VAT1L: variants seen among roughly 807,000 people sequenced by gnomAD.
The protein encoded by VAT1L is putative NADPH-dependent quinone oxidoreductase VAT1L.
A neutral mutation model predicts 44.1 loss-of-function variants in VAT1L; 34 were observed. That is an observed-to-expected ratio of 0.77 (90% CI 0.59 to 1.03). VAT1L has a LOEUF of 1.03. Ranked by LOEUF, VAT1L falls within the 50% of genes least tolerant of loss-of-function variation. VAT1L has a pLI of 0.00. For missense variants in VAT1L, 615 were observed against 538.8 expected, an observed-to-expected ratio of 1.14 and a Z score of -1.40; for synonymous variants, 253 against 202.2, an observed-to-expected ratio of 1.25 and a Z score of -2.13.
At chr16:77,935,993 T>C (rs1171095119) in intron 7 of VAT1L, among the ~76,000 whole-genome samples, 1 of 152,184 alleles carries the variant, frequency 6.6e-6, no homozygotes, top group Non-Finnish European at 1.5e-5. Context: ...CTCGTTCTCT[T>C]TTTGACACTC....
intron 3 of VAT1L, among the ~76,000 whole-genome samples, chr16:77,839,396 C>T (rs191590244): frequency 2.6e-5 from 4 of 151,546 alleles, no homozygotes; most frequent in East Asian, 1.9e-4. Flanking sequence ...ATCAGCTGGG[C>T]GTGGTGGTGG....
chr16:77,896,875 G>A (rs1352185743), intron 7 of VAT1L, among the ~76,000 whole-genome samples: 1 of 152,162 alleles, frequency 6.6e-6, no homozygotes, highest in Non-Finnish European at 1.5e-5. Flanking sequence ...TCACAAAACT[G>A]GATTTCCTTG....
rs574438290 is a variant in VAT1L, at chr16:77,833,254, C to G, written c.579+7793C>G. Among the ~76,000 whole-genome samples, 4 of 152,228 alleles carry G rather than the reference C, an allele frequency of 2.6e-5. No homozygotes were observed. The East Asian group carries it at 7.7e-4, about 29-fold the overall frequency. ...CCTAGACATTGATGGGCGTATAAAT[C>G]AAATAGTCACATGGATAACTTTGCC... On this transcript the variant is annotated intron_variant, in intron 3 of 8. Transcript: ENST00000302536.
intron 7 of VAT1L, among the ~76,000 whole-genome samples, chr16:77,910,205 T>C (rs2017483635): frequency 6.6e-6 from 1 of 152,204 alleles, no homozygotes; most frequent in Admixed American, 6.5e-5. Flanking sequence ...GGATAGCATG[T>C]CTGCTTTGAG....
chr16:77,893,792 G>A (rs1008780256), intron 7 of VAT1L, among the ~76,000 whole-genome samples: 23 of 152,114 alleles, frequency 1.5e-4, no homozygotes, highest in African/African-American at 5.6e-4. Context: ...CATTGAATTT[G>A]ATGGAAATTT....
At chr16:77,874,575 A>C (rs1363509098) in intron 4 of VAT1L, among the ~76,000 whole-genome samples, 2 of 151,936 alleles carry the variant, frequency 1.3e-5, no homozygotes, top group East Asian at 3.9e-4. Flanking sequence ...CTAGGACACT[A>C]TTCCCTTCAC....
intron 3 of VAT1L, 87 bp downstream of exon 3, chr16:77,825,548 G>T: frequency 7.1e-7 from 1 of 1,416,392 alleles, no homozygotes; most frequent in Non-Finnish European, 9.7e-7. Context: ...TGTGAGCTAT[G>T]TCCTTTAGCA....
intron 1 of VAT1L, among the ~76,000 whole-genome samples, chr16:77,811,161 C>T (rs2016257447): frequency 1.3e-5 from 2 of 152,246 alleles, no homozygotes; most frequent in African/African-American, 2.4e-5. Flanking sequence ...TACTGACAAC[C>T]TGAGGAAAGA....
Position 77,789,873 on chromosome 16 carries a change from G to A in VAT1L, c.233+958G>A, listed in dbSNP as rs559202515. ...TGTGTGCGGGCACTGTAATTTCCCT[G>A]AAGTTCTGGGAAGAGCTTACCCAGC... On this transcript the variant is annotated intron_variant, in intron 1 of 8. Transcript: ENST00000302536. 9.9e-5 allele frequency among the ~76,000 whole-genome samples: 15 copies of A among 152,228 alleles called. No individual in the cohort carries two copies. The South Asian group carries it at 2.7e-3, about 27-fold the overall frequency.
intron 7 of VAT1L, among the ~76,000 whole-genome samples, chr16:77,937,005 C>T (rs2017807338): frequency 1.3e-5 from 2 of 152,208 alleles, no homozygotes; most frequent in African/African-American, 4.8e-5. Context: ...CTGCCTCAGC[C>T]TCCCGAGTAG....
chr16:77,802,382 C>T (rs1382649049), intron 1 of VAT1L, among the ~76,000 whole-genome samples: 1 of 151,812 alleles, frequency 6.6e-6, no homozygotes, highest in Non-Finnish European at 1.5e-5. Flanking sequence ...TTTGGGAGGG[C>T]AAGGGGGGTG....
intron 7 of VAT1L, among the ~76,000 whole-genome samples, chr16:77,917,205 A>G (rs754769169): frequency 1.3e-5 from 2 of 152,176 alleles, no homozygotes; most frequent in Non-Finnish European, 2.9e-5. Context: ...ATCTAAGCTC[A>G]TCTTCCCAGT....
At chr16:77,967,988 G>C (rs574420651) in intron 7 of VAT1L, among the ~76,000 whole-genome samples, 100 of 152,312 alleles carry the variant, frequency 6.6e-4, no homozygotes, top group African/African-American at 2.4e-3. Flanking sequence ...CGTAATCTTT[G>C]GGTAAATTGC....
chr16:77,945,621 T>A (rs939319620), intron 7 of VAT1L, among the ~76,000 whole-genome samples: 6 of 152,008 alleles, frequency 3.9e-5, no homozygotes, highest in Non-Finnish European at 7.4e-5. Context: ...TTTCTCCTGA[T>A]AAGAAAAGTA....
At chr16:77,902,361 G>C (rs977954449) in intron 7 of VAT1L, among the ~76,000 whole-genome samples, 2 of 152,140 alleles carry the variant, frequency 1.3e-5, no homozygotes, top group Non-Finnish European at 2.9e-5. Context: ...TAAAAACATT[G>C]AGTAGTTATC....
chr16:77,823,228 C>T (rs2016480820), intron 2 of VAT1L, among the ~76,000 whole-genome samples: 1 of 151,846 alleles, frequency 6.6e-6, no homozygotes, highest in Admixed American at 6.6e-5. Flanking sequence ...ATTCCCACAC[C>T]CAAAAAATGA....
intron 3 of VAT1L, among the ~76,000 whole-genome samples, chr16:77,850,260 T>C (rs1186313394): frequency 6.6e-6 from 1 of 152,222 alleles, no homozygotes; most frequent in Admixed American, 6.5e-5. Flanking sequence ...TGATTCCGTG[T>C]AAGGCTGTAT....
At chr16:77,927,506 G>T (rs2017683234) in intron 7 of VAT1L, among the ~76,000 whole-genome samples, 1 of 152,082 alleles carries the variant, frequency 6.6e-6, no homozygotes, top group African/African-American at 2.4e-5. Flanking sequence ...ACTAGCTTTT[G>T]CTGTCATCCT....
rs369113820 is a variant in VAT1L, at chr16:77,878,894, G to T, written c.827-275G>T. Among the ~76,000 whole-genome samples the T allele has an allele frequency of 2.6e-5, 4 of 152,108 alleles. No homozygotes were observed. The East Asian group carries it at 7.7e-4, about 29-fold the overall frequency. On this transcript the variant is annotated intron_variant, in intron 5 of 8. Transcript: ENST00000302536. The stretch of plus-strand genomic sequence containing the variant: ...CAGCAACTCATCATTTTATTCAAAC[G>T]TTGGCCTACATCATATTTTTGCTAT...
Sources: gnomAD v4.1 joint callset for allele counts (sites outside exome capture counted in the v4.1 genomes callset) on GRCh38, gnomAD v4.1.1 for gene constraint, MANE v1.5 for transcripts, NCBI Gene and HGNC (gene_info 2026-07-23, HGNC 2026-07-21) for gene names.